The following SUSD5 variants were observed in gnomAD, a reference collection of about 807,000 sequenced individuals.
SUSD5 encodes sushi domain containing 5.
A neutral mutation model predicts 29.5 loss-of-function variants in SUSD5; 33 were observed. That is an observed-to-expected ratio of 1.12 (90% confidence interval 0.85 to 1.49). The LOEUF is 1.49. Among genes scored for constraint, SUSD5 ranks in the 40% most tolerant of loss-of-function variants. The pLI, the probability that SUSD5 is intolerant of heterozygous loss-of-function variation, is 0.00. For synonymous variants in SUSD5, 308 were observed against 325.3 expected, an observed-to-expected ratio of 0.95 and a Z score of 0.57; for missense variants, 776 against 800.6, an observed-to-expected ratio of 0.97 and a Z score of 0.37.
Position 33,153,468 on chromosome 3 carries a change from C to T in SUSD5, c.1164G>A (p.Glu388=), listed in dbSNP as rs769501672. The T allele has an allele frequency of 6.2e-7, 1 of 1,614,100 alleles. No homozygotes were observed. The highest frequency in any genetic ancestry group is 1.6e-4 in the Middle Eastern group (1 of 6,062). Residue 388 remains glutamate (E), a synonymous_variant, in exon 5 of 5, where the codon GAG becomes GAA. Transcript: ENST00000309558. Reference sequence around the variant, plus strand: ...CATCCCCTCTGTCCCCATCTTCTTCCTCTTCTGCCTCTGTCTTCCTCCAAG... The same window carrying T: ...CATCCCCTCTGTCCCCATCTTCTTCTTCTTCTGCCTCTGTCTTCCTCCAAG... ...EGAWRKTEAE[E]EEDGDRGDGS...
At chr3:33,169,250 C>T (rs1362688775) in intron 4 of SUSD5, among the ~76,000 whole-genome samples, 2 of 151,858 alleles carry the variant, frequency 1.3e-5, no homozygotes, top group African/African-American at 4.8e-5. Flanking sequence ...AACGAAGTTT[C>T]GCTCTTGCTG....
rs61743461 is a variant in SUSD5 at position 33,153,817 on chromosome 3, A to G, written c.815T>C (p.Leu272Ser). The G allele has an allele frequency of 0.16, 263,075 of 1,613,874 alleles. 22,306 individuals are homozygous for G. Among genetic ancestry groups the G allele is most frequent in the East Asian group, 0.22 (9,954 of 44,874 alleles). Residue 272 changes from leucine (L) to serine (S), a missense_variant, in exon 5 of 5, where the codon TTG becomes TCG. By Grantham distance (145) the Leu-to-Ser change is moderately radical. Coordinates refer to ENST00000309558, the MANE Select transcript of SUSD5 (RefSeq NM_015551.2). ...RDKVFVPTTG[L>S]PGAGSSVPAD... ...GGGGACACTGCTCCCAGCACCAGGC[A>G]AGCCTGTGGTTGGCACAAAGACTTT... is the stretch of plus-strand genomic sequence containing the variant.
At position 33,152,723 on chromosome 3, in the gene SUSD5, G is replaced by T; in HGVS notation, c.*19C>A. ...ATTTTCCTCCCAAGTGGCTTTGGGA[G>T]AACCCACTCCAAAGGTGCCTAGACC... On this transcript the variant is annotated 3_prime_UTR_variant, in exon 5 of 5. Transcript: ENST00000309558. 6.3e-7 allele frequency: 1 copy of T among 1,576,158 alleles called. No individual in the cohort carries two copies. Among genetic ancestry groups the T allele is most frequent in the South Asian group, 1.2e-5 (1 of 84,862 alleles).
intron 3 of SUSD5, among the ~76,000 whole-genome samples, chr3:33,179,280 A>G (rs1476304516): frequency 6.6e-6 from 1 of 152,146 alleles, no homozygotes; most frequent in East Asian, 1.9e-4. Context: ...TTAAAAGCAT[A>G]ACCAATTGTT....
chr3:33,174,734 T>C (rs899847676), intron 4 of SUSD5, among the ~76,000 whole-genome samples, 152 bp downstream of exon 4: 6 of 152,210 alleles, frequency 3.9e-5, no homozygotes, highest in Admixed American at 6.5e-5. Context: ...AGTGGAGATG[T>C]TGCTAGGTCC....
At chr3:33,156,668 A>G (rs2031061529) in intron 4 of SUSD5, among the ~76,000 whole-genome samples, 1 of 152,212 alleles carries the variant, frequency 6.6e-6, no homozygotes, top group South Asian at 2.1e-4. Flanking sequence ...CAAAATGCAC[A>G]GAGCTCCAGA....
rs1002846818 is a variant in SUSD5 at position 33,151,862 on chromosome 3, A to G, written c.*880T>C. 3.3e-5 allele frequency: 5 copies of G among 152,140 alleles called. No individual in the cohort carries two copies. Among genetic ancestry groups the G allele is most frequent in the Non-Finnish European group, 5.9e-5 (4 of 68,022 alleles). The allele number at this position is 152,140 out of a possible 1,614,324, so 9.4% of individuals were successfully genotyped here. A position where few individuals can be genotyped will look rare whatever the true frequency, so the allele number is the denominator to read the frequency against. On this transcript the variant is annotated 3_prime_UTR_variant, in exon 5 of 5. Transcript: ENST00000309558. ...GGGATGTGTGTTTCTTCACTCCTCA[A>G]CTCCCCCAACAAAATGTCAGTCTTA...
intron 3 of SUSD5, among the ~76,000 whole-genome samples, chr3:33,202,216 G>T (rs2032135357): frequency 6.6e-6 from 1 of 152,032 alleles, no homozygotes; most frequent in African/African-American, 2.4e-5. Flanking sequence ...CACTTCCCTG[G>T]GAGACCCTGA....
Position 33,166,841 on chromosome 3 carries a change from A to G in SUSD5, c.598+8045T>C, listed in dbSNP as rs548748447. On this transcript the variant is annotated intron_variant, in intron 4 of 4. Coordinates refer to ENST00000309558, the MANE Select transcript of SUSD5 (RefSeq NM_015551.2). The stretch of plus-strand genomic sequence containing the variant: ...TGATAAATGACTTTTGAGTTCCAGT[A>G]TTGGGGATAATCAATGTCTGCTAAC... Among the ~76,000 whole-genome samples the G allele has an allele frequency of 9.8e-5, 15 of 152,292 alleles. No homozygotes were observed. In the South Asian group the frequency reaches 3.1e-3, roughly 32 times the overall value.
At chr3:33,194,099 C>T (rs1056094542) in intron 3 of SUSD5, among the ~76,000 whole-genome samples, 3 of 152,182 alleles carry the variant, frequency 2.0e-5, no homozygotes, top group Non-Finnish European at 4.4e-5. Context: ...TGGTGCCATC[C>T]GGACCACTAA....
chr3:33,154,367 C>T (rs925830411), intron 4 of SUSD5, among the ~76,000 whole-genome samples: 1 of 151,926 alleles, frequency 6.6e-6, no homozygotes, highest in South Asian at 2.1e-4. Context: ...TAATAAAATA[C>T]AAAAAAATAG....
At chr3:33,173,450 A>G (rs754547765) in intron 4 of SUSD5, among the ~76,000 whole-genome samples, 3 of 152,226 alleles carry the variant, frequency 2.0e-5, no homozygotes, top group Non-Finnish European at 2.9e-5. Context: ...CAGCCACAAA[A>G]TGAAAATAAG....
rs2030961416 is a variant in SUSD5, at chr3:33,153,331, C to T, written c.1301G>A (p.Ser434Asn). The change falls in exon 5 of 5, where the codon AGT becomes AAT. Residue 434 changes from serine (S) to asparagine (N), a missense_variant. Physicochemically the swap from Ser to Asn is conservative, Grantham distance 46. Transcript: ENST00000309558. ...TLTPSEGMTH[S>N]SVLPSQMLDV... ...TAGCATTTGAGATGGAAGAACTGAA[C>T]TATGGGTCATGCCCTCGCTTGGTGT... 6.2e-7 allele frequency: 1 copy of T among 1,613,830 alleles called. No homozygotes were observed. The highest frequency in any genetic ancestry group is 1.1e-5 in the South Asian group (1 of 91,070).
chr3:33,207,788 A>C lies in SUSD5; in HGVS notation c.409+20T>G. The C allele has an allele frequency of 6.4e-7, 1 of 1,558,034 alleles. No individual in the cohort carries two copies. Among genetic ancestry groups the C allele is most frequent in the East Asian group, 2.3e-5 (1 of 44,324 alleles). Reference sequence around the variant, plus strand: ...CAAGAGCACACCCTCCAGCACCTTTAAGAAGACTCTGGCACTGACCTTCAT... The same window carrying C: ...CAAGAGCACACCCTCCAGCACCTTTCAGAAGACTCTGGCACTGACCTTCAT... On this transcript the variant is annotated intron_variant, in intron 3 of 4. Transcript: ENST00000309558.
At chr3:33,168,326 T>C (rs1029309658) in intron 4 of SUSD5, among the ~76,000 whole-genome samples, 14 of 152,312 alleles carry the variant, frequency 9.2e-5, no homozygotes, top group African/African-American at 3.1e-4. Flanking sequence ...CAGAAATAAC[T>C]ACTGGTTCAA....
intron 1 of SUSD5, among the ~76,000 whole-genome samples, chr3:33,218,286 C>T (rs2032460229): frequency 6.6e-6 from 1 of 152,224 alleles, no homozygotes; most frequent in African/African-American, 2.4e-5. Context: ...AGTTTTCTAA[C>T]CATCGGCGGT....
intron 4 of SUSD5, among the ~76,000 whole-genome samples, chr3:33,171,012 G>C (rs1575531494): frequency 6.6e-6 from 1 of 152,138 alleles, no homozygotes; most frequent in Non-Finnish European, 1.5e-5. Context: ...TCATCTCTAA[G>C]GTATCTCTGT....
chr3:33,203,984 A>G (rs1037749790), intron 3 of SUSD5, among the ~76,000 whole-genome samples: 1 of 151,640 alleles, frequency 6.6e-6, no homozygotes, highest in Non-Finnish European at 1.5e-5. Flanking sequence ...GCATGATCAT[A>G]GCTCACTGCA....
chr3:33,215,560 G>A, intron 1 of SUSD5, among the ~76,000 whole-genome samples: 1 of 152,064 alleles, frequency 6.6e-6, no homozygotes, highest in East Asian at 1.9e-4. Context: ...ACAACTCTAT[G>A]ATATAGGTGG....
Sources: allele counts gnomAD v4.1 joint callset (sites outside exome capture counted in the v4.1 genomes callset), GRCh38; gene constraint gnomAD v4.1.1; transcripts MANE v1.5; gene names NCBI Gene and HGNC (gene_info 2026-07-23, HGNC 2026-07-21).